The following PACRG variants were observed in gnomAD, a reference collection of about 807,000 sequenced individuals.
The protein encoded by PACRG is parkin coregulated.
A neutral mutation model predicts 29.7 loss-of-function variants in PACRG; 29 were observed. The ratio of observed to expected loss-of-function variants is 0.98; its 90% CI spans 0.73 to 1.33. The LOEUF (loss-of-function observed/expected upper bound fraction) is 1.33, where lower values mean the gene tolerates loss of function less well. PACRG is among the 40% of genes most tolerant of loss of function. The pLI is 0.00. For synonymous variants in PACRG, 116 were observed against 118.7 expected (o/e 0.98, Z 0.15); for missense variants, 279 against 316.2 (o/e 0.88, Z 0.89).
chr6:163,243,970 A>G (rs531598182), intron 4 of PACRG, among the ~76,000 whole-genome samples: 2 of 152,352 alleles, frequency 1.3e-5, no homozygotes, highest in South Asian at 4.1e-4. Flanking sequence ...CTGAGCAAGC[A>G]TTTACTAACA....
intron 2 of PACRG, among the ~76,000 whole-genome samples, chr6:162,952,086 A>G (rs1799696264): frequency 6.6e-6 from 1 of 152,206 alleles, no homozygotes; most frequent in Non-Finnish European, 1.5e-5. Context: ...GACAGGGGTA[A>G]TGATCCTTTA....
chr6:162,849,571 AT>A (rs1450235114), intron 2 of PACRG, among the ~76,000 whole-genome samples: 1 of 152,178 alleles, frequency 6.6e-6, no homozygotes, highest in Non-Finnish European at 1.5e-5. Flanking sequence ...CTTGTCTGAG[AT>A]TGGAGGACTT....
At chr6:163,164,565 G>A (rs768436176) in intron 4 of PACRG, among the ~76,000 whole-genome samples, 1 of 152,198 alleles carries the variant, frequency 6.6e-6, no homozygotes, top group Non-Finnish European at 1.5e-5. Flanking sequence ...AGAGAGTAGA[G>A]CTACCTTAAG....
chr6:162,966,546 G>C (rs1030428503), intron 2 of PACRG, among the ~76,000 whole-genome samples: 10 of 148,314 alleles, frequency 6.7e-5, no homozygotes, highest in African/African-American at 2.0e-4. Flanking sequence ...GTGTGATCTC[G>C]GCTCACTGCA....
intron 4 of PACRG, among the ~76,000 whole-genome samples, chr6:163,270,834 C>T (rs1783796859): frequency 6.6e-6 from 1 of 152,144 alleles, no homozygotes; most frequent in African/African-American, 2.4e-5. Context: ...GACGATTTCC[C>T]TACATCTTCT....
At chr6:163,051,862 T>A (rs895947546) in intron 2 of PACRG, 2 of 152,214 alleles carry the variant, frequency 1.3e-5, no homozygotes, top group Non-Finnish European at 1.5e-5. Context: ...ATTTTGTTTT[T>A]TAAGTCTGTA....
intron 4 of PACRG, among the ~76,000 whole-genome samples, chr6:163,119,922 A>G (rs943398849): frequency 2.6e-5 from 4 of 152,170 alleles, no homozygotes; most frequent in African/African-American, 9.7e-5. Flanking sequence ...ATCTGGCACC[A>G]TTCATTTTCT....
intron 4 of PACRG, among the ~76,000 whole-genome samples, chr6:163,214,148 T>C (rs2128156219): frequency 6.6e-6 from 1 of 152,302 alleles, no homozygotes; most frequent in East Asian, 1.9e-4. Flanking sequence ...GTTTACTCTG[T>C]CCAGTATAGT....
At chr6:163,269,693 C>CA (rs1374707710) in intron 4 of PACRG, among the ~76,000 whole-genome samples, 2 of 149,354 alleles carry the variant, frequency 1.3e-5, no homozygotes, top group African/African-American at 5.0e-5. Context: ...AAAAGTGATT[C>CA]AAGTATCCAT....
chr6:163,279,238 T>C (rs1227362730), intron 4 of PACRG, among the ~76,000 whole-genome samples: 1 of 152,198 alleles, frequency 6.6e-6, no homozygotes, highest in Non-Finnish European at 1.5e-5. Context: ...GCTTTTTGGA[T>C]GAGTCTTGGG....
At chr6:163,164,226 A>G (rs1051171527) in intron 4 of PACRG, among the ~76,000 whole-genome samples, 1 of 152,244 alleles carries the variant, frequency 6.6e-6, no homozygotes, top group African/African-American at 2.4e-5. Context: ...TTCTGTTTTC[A>G]CTTGCTCTGC....
At chr6:162,822,480 C>CAGAATCATTTTAA in intron 2 of PACRG, among the ~76,000 whole-genome samples, 1 of 152,322 alleles carries the variant, frequency 6.6e-6, no homozygotes, top group East Asian at 1.9e-4. Flanking sequence ...ACAGAGTTGA[C>CAGAATCATTTTAA]AGAATCATTT....
chr6:163,215,470 G>A (rs1781325917), intron 4 of PACRG, among the ~76,000 whole-genome samples: 1 of 152,178 alleles, frequency 6.6e-6, no homozygotes, highest in African/African-American at 2.4e-5. Flanking sequence ...TGACTAGGTT[G>A]ATCCTGATAT....
At chr6:163,247,690 A>AC (rs539609246) in intron 4 of PACRG, among the ~76,000 whole-genome samples, 4 of 151,592 alleles carry the variant, frequency 2.6e-5, no homozygotes, top group East Asian at 3.9e-4. Flanking sequence ...TTCTATTAGG[A>AC]CCCCCCTCCA....
chr6:163,081,025 T>A (rs1813026658), intron 3 of PACRG, among the ~76,000 whole-genome samples: 1 of 152,216 alleles, frequency 6.6e-6, no homozygotes, highest in African/African-American at 2.4e-5. Flanking sequence ...TAAATCAGGC[T>A]GTGTCATATT....
At chr6:162,957,313 C>G (rs1436591004) in intron 2 of PACRG, 2 of 586,566 alleles carry the variant, frequency 3.4e-6, no homozygotes, top group East Asian at 3.4e-5. Flanking sequence ...ACGCTTGATC[C>G]TGTCCTGAAC....
chr6:162,773,559 C>G (rs1783401775), intron 1 of PACRG, among the ~76,000 whole-genome samples: 1 of 119,330 alleles, frequency 8.4e-6, no homozygotes, highest in African/African-American at 3.2e-5. Context: ...CCAGGCCGGA[C>G]TGCGGACTGC....
intron 2 of PACRG, among the ~76,000 whole-genome samples, chr6:163,019,026 G>A (rs1806358087): frequency 6.6e-6 from 1 of 151,926 alleles, no homozygotes; most frequent in Non-Finnish European, 1.5e-5. Context: ...TGCATTTTAA[G>A]TTCTTTCATT....
intron 2 of PACRG, among the ~76,000 whole-genome samples, chr6:163,002,726 T>C (rs1804700707): frequency 6.6e-6 from 1 of 152,204 alleles, no homozygotes; most frequent in Non-Finnish European, 1.5e-5. Flanking sequence ...TTACTGTAGA[T>C]AATCAAGAGA....
Sources: allele counts gnomAD v4.1 joint callset (sites outside exome capture counted in the v4.1 genomes callset), GRCh38; gene constraint gnomAD v4.1.1; transcripts MANE v1.5; gene names NCBI Gene and HGNC (gene_info 2026-07-23, HGNC 2026-07-21).